Variants in CTIF observed in about 807,000 individuals in gnomAD.
The protein encoded by CTIF is CBP80/20-dependent translation initiation factor.
In CTIF, 21 loss-of-function variants were observed where a neutral mutation model predicts 66.0. The observed-to-expected ratio is 0.32, with a 90% CI of 0.23 to 0.46. The LOEUF (loss-of-function observed/expected upper bound fraction) is 0.46. Ranked by LOEUF, CTIF falls within the 20% of genes least tolerant of loss-of-function variation. The pLI, the probability that CTIF is intolerant of heterozygous loss-of-function variation, is 1.00. For missense variants in CTIF, 739 were observed against 812.7 expected (o/e 0.91, Z 1.10); for synonymous variants, 345 against 326.4 (o/e 1.06, Z -0.62).
chr18:48,682,940 AT>A (rs1257092900), intron 6 of CTIF: 1 of 152,224 alleles, frequency 6.6e-6, no homozygotes, highest in East Asian at 1.9e-4. Flanking sequence ...TGGGGTGGAG[AT>A]GTGGGGGCAA....
chr18:48,682,022 G>T (rs951898963), intron 6 of CTIF, among the ~76,000 whole-genome samples: 1 of 151,926 alleles, frequency 6.6e-6, no homozygotes, highest in Non-Finnish European at 1.5e-5. Context: ...CTGAGCTCAG[G>T]TGATCCACCT....
intron 1 of CTIF, among the ~76,000 whole-genome samples, chr18:48,599,112 T>G (rs1369272518): frequency 6.6e-6 from 1 of 152,170 alleles, no homozygotes; most frequent in Non-Finnish European, 1.5e-5. Context: ...GATCAGCTCA[T>G]GGGTGTTGGA....
intron 3 of CTIF, among the ~76,000 whole-genome samples, chr18:48,637,919 C>T (rs77854041): frequency 0.013 from 1,934 of 152,212 alleles, 46 homozygotes; most frequent in African/African-American, 0.044. Context: ...GGAGCCTCGA[C>T]GGCCTCTGAG....
chr18:48,633,207 G>C (rs981566061), intron 2 of CTIF, among the ~76,000 whole-genome samples: 2 of 152,194 alleles, frequency 1.3e-5, no homozygotes, highest in Non-Finnish European at 2.9e-5. Context: ...GGGATGAGGA[G>C]TGCAAGCATG....
intron 9 of CTIF, among the ~76,000 whole-genome samples, chr18:48,763,964 G>T (rs1433325050): frequency 6.6e-6 from 1 of 152,256 alleles, no homozygotes; most frequent in East Asian, 1.9e-4. Context: ...ACCTAGTTCT[G>T]CAGGTGCCAC....
intron 3 of CTIF, among the ~76,000 whole-genome samples, chr18:48,660,493 C>T (rs2091324458): frequency 6.6e-6 from 1 of 152,240 alleles, no homozygotes; most frequent in African/African-American, 2.4e-5. Context: ...TGGCTCTTTC[C>T]CTCCCATCAG....
intron 7 of CTIF, among the ~76,000 whole-genome samples, chr18:48,711,901 G>C (rs1568157095): frequency 6.6e-6 from 1 of 152,176 alleles, no homozygotes; most frequent in Non-Finnish European, 1.5e-5. Context: ...CCTAGGGATT[G>C]GCTCCCTTCA....
At chr18:48,571,606 A>G (rs2089417117) in intron 1 of CTIF, among the ~76,000 whole-genome samples, 2 of 152,186 alleles carry the variant, frequency 1.3e-5, no homozygotes, top group East Asian at 3.8e-4. Context: ...ATATTCCATC[A>G]GTGTCTTCCA....
chr18:48,624,197 T>C (rs1309201622), intron 2 of CTIF, among the ~76,000 whole-genome samples: 3 of 138,648 alleles, frequency 2.2e-5, no homozygotes, highest in Non-Finnish European at 4.6e-5. Context: ...CCCTCCCCCA[T>C]GTTTCAGGAG....
intron 6 of CTIF, among the ~76,000 whole-genome samples, chr18:48,695,042 G>A (rs2091985784): frequency 6.6e-6 from 1 of 152,162 alleles, no homozygotes; most frequent in Non-Finnish European, 1.5e-5. Flanking sequence ...CACTTGTCAG[G>A]GAGATCTATT....
rs1568026373 is a variant in CTIF at position 48,551,355 on chromosome 18, A to G, written c.-29+12043A>G. On this transcript the variant is annotated intron_variant, in intron 1 of 11. Transcript: ENST00000256413. Reference sequence around the variant, plus strand: ...TGGCCTGCTATGGCAGCCCTAGCAAATGAATATGGAAGGATTCTCCCCTGC... The same window carrying G: ...TGGCCTGCTATGGCAGCCCTAGCAAGTGAATATGGAAGGATTCTCCCCTGC... 2.0e-5 allele frequency among the ~76,000 whole-genome samples: 3 copies of G among 151,946 alleles called. No homozygotes were observed. The South Asian group carries it at 6.3e-4, about 32-fold the overall frequency.
intron 9 of CTIF, among the ~76,000 whole-genome samples, chr18:48,801,332 T>G (rs759446650): frequency 2.6e-5 from 4 of 152,180 alleles, no homozygotes; most frequent in Non-Finnish European, 5.9e-5. Flanking sequence ...GACGCAAACG[T>G]TGGTCTCCCC....
intron 3 of CTIF, among the ~76,000 whole-genome samples, chr18:48,660,987 C>T (rs1202166595): frequency 6.6e-6 from 1 of 152,186 alleles, no homozygotes; most frequent in Non-Finnish European, 1.5e-5. Flanking sequence ...TCTTGACATC[C>T]TAATCTTGAT....
chr18:48,753,287 A>G (rs531605373), intron 7 of CTIF, among the ~76,000 whole-genome samples: 3 of 152,400 alleles, frequency 2.0e-5, no homozygotes, highest in South Asian at 2.1e-4. Flanking sequence ...AATGTCCGAC[A>G]TGGAGAGAAC....
chr18:48,736,835 G>A (rs2092507963), intron 7 of CTIF, among the ~76,000 whole-genome samples: 1 of 152,130 alleles, frequency 6.6e-6, no homozygotes, highest in Non-Finnish European at 1.5e-5. Flanking sequence ...CAGGCACGGG[G>A]GCATGGCCTC....
intron 9 of CTIF, among the ~76,000 whole-genome samples, chr18:48,791,509 TG>T (rs1345988315): frequency 6.6e-6 from 1 of 151,936 alleles, no homozygotes; most frequent in African/African-American, 2.4e-5. Context: ...CCAAGCTGAG[TG>T]GAAGCCCCTC....
At chr18:48,845,383 C>T (rs1405083090) in intron 10 of CTIF, among the ~76,000 whole-genome samples, 1 of 152,178 alleles carries the variant, frequency 6.6e-6, no homozygotes. Flanking sequence ...GGTCATTGTT[C>T]GTTTTACTTG....
chr18:48,569,680 C>G (rs368390378), intron 1 of CTIF, among the ~76,000 whole-genome samples: 17 of 152,120 alleles, frequency 1.1e-4, no homozygotes, highest in Non-Finnish European at 5.9e-5. Flanking sequence ...TTTGCTGAAC[C>G]CTCCTCCTCC....
At chr18:48,789,304 C>T (rs1266924599) in intron 9 of CTIF, among the ~76,000 whole-genome samples, 1 of 151,904 alleles carries the variant, frequency 6.6e-6, no homozygotes, top group Non-Finnish European at 1.5e-5. Context: ...GGGTTTCTTA[C>T]TCTCTCCAAG....
Sources: gnomAD v4.1 joint callset for allele counts (sites outside exome capture counted in the v4.1 genomes callset) on GRCh38, gnomAD v4.1.1 for gene constraint, MANE v1.5 for transcripts, NCBI Gene and HGNC (gene_info 2026-07-23, HGNC 2026-07-21) for gene names.